TLN2: variants seen among roughly 807,000 people sequenced by gnomAD.
TLN2 encodes talin-2.
Under a neutral mutation model 294.7 loss-of-function variants are expected in TLN2, and 118 were observed. The observed-to-expected ratio is 0.40, with a 90% CI of 0.34 to 0.47. The LOEUF is 0.47. Ranked by LOEUF, TLN2 falls within the 20% of genes least tolerant of loss-of-function variation. TLN2 has a pLI of 0.84. For synonymous variants in TLN2, 1,431 were observed against 1,304.5 expected, an observed-to-expected ratio of 1.10 and a Z score of -2.09; for missense variants, 3,083 against 3,282.2, an observed-to-expected ratio of 0.94 and a Z score of 1.48.
intron 42 of TLN2, among the ~76,000 whole-genome samples, chr15:62,776,299 A>G (rs1325301529): frequency 5.9e-5 from 9 of 152,120 alleles, no homozygotes; most frequent in Admixed American, 5.2e-4. Flanking sequence ...GCACTCTACA[A>G]ATATATTTCC....
intron 28 of TLN2, among the ~76,000 whole-genome samples, chr15:62,734,482 A>G (rs2060899759): frequency 6.6e-6 from 1 of 152,190 alleles, no homozygotes; most frequent in Non-Finnish European, 1.5e-5. Context: ...ATGAGGTCTT[A>G]ACTACATCTG....
intron 1 of TLN2, among the ~76,000 whole-genome samples, chr15:62,525,837 T>C (rs1415359410): frequency 6.6e-6 from 1 of 152,152 alleles, no homozygotes; most frequent in African/African-American, 2.4e-5. Context: ...GCCTCCTTAG[T>C]CAGTGTGCCC....
intron 57 of TLN2, among the ~76,000 whole-genome samples, chr15:62,837,680 A>ATGTT (rs1398294428): frequency 1.3e-5 from 2 of 152,198 alleles, no homozygotes; most frequent in African/African-American, 4.8e-5. Context: ...TAGCTACAAA[A>ATGTT]TGTTAGGTTT....
intron 9 of TLN2, among the ~76,000 whole-genome samples, chr15:62,664,368 G>C (rs764995253): frequency 6.6e-6 from 1 of 152,028 alleles, no homozygotes; most frequent in Non-Finnish European, 1.5e-5. Context: ...AAAAGGGACA[G>C]AGCATTTCAT....
chr15:62,747,390 A>G (rs1431539644), intron 32 of TLN2, among the ~76,000 whole-genome samples: 2 of 152,222 alleles, frequency 1.3e-5, no homozygotes, highest in Non-Finnish European at 2.9e-5. Flanking sequence ...TATTTTAATG[A>G]ATAATTTTGT....
At chr15:62,650,420 T>C (rs1437126106) in intron 5 of TLN2, among the ~76,000 whole-genome samples, 4 of 152,176 alleles carry the variant, frequency 2.6e-5, no homozygotes, top group African/African-American at 9.7e-5. Context: ...TACTTGTCGT[T>C]GTTGGATTTG....
intron 1 of TLN2, among the ~76,000 whole-genome samples, chr15:62,448,626 G>C (rs2035947424): frequency 6.6e-6 from 1 of 152,212 alleles, no homozygotes; most frequent in African/African-American, 2.4e-5. Context: ...TAATCCTGTG[G>C]TGTAGCTTAT....
At chr15:62,642,701 G>GT (rs1355609761) in intron 3 of TLN2, among the ~76,000 whole-genome samples, 13,245 of 140,590 alleles carry the variant, frequency 0.094, 1,088 homozygotes, top group African/African-American at 0.21. Context: ...TTTGTTTTCT[G>GT]TTTTTTTTTT....
At chr15:62,827,994 A>G (rs1429487350) in intron 54 of TLN2, 2 of 152,288 alleles carry the variant, frequency 1.3e-5, no homozygotes, top group African/African-American at 4.8e-5. Flanking sequence ...TCCACTTTCC[A>G]CACCACTTCC....
At position 62,636,749 on chromosome 15, in the gene TLN2, G is replaced by A. The variant is rs896520434; in HGVS notation, c.-36-10526G>A. Among the ~76,000 whole-genome samples, 8 of 152,274 alleles carry A rather than the reference G, an allele frequency of 5.3e-5. No individual in the cohort carries two copies. The East Asian group carries it at 1.5e-3, about 29-fold the overall frequency. Reference sequence around the variant, plus strand: ...AGGTGAAAGCAAACATGGTAATATAGGTTTGCATGGTCACTCGGCAACCCA... The same window carrying A: ...AGGTGAAAGCAAACATGGTAATATAAGTTTGCATGGTCACTCGGCAACCCA... On this transcript the variant is annotated intron_variant, in intron 3 of 58. Transcript: ENST00000636159.
At chr15:62,685,476 C>CT (rs955872062) in intron 11 of TLN2, among the ~76,000 whole-genome samples, 1 of 151,928 alleles carries the variant, frequency 6.6e-6, no homozygotes, top group Non-Finnish European at 1.5e-5. Flanking sequence ...ACATTTATAA[C>CT]TTTTTTTTAA....
chr15:62,699,104 C>T (rs2058548408), intron 16 of TLN2, among the ~76,000 whole-genome samples: 1 of 152,168 alleles, frequency 6.6e-6, no homozygotes, highest in Non-Finnish European at 1.5e-5. Flanking sequence ...CCCTAGGATC[C>T]TGTGACCTGG....
At chr15:62,448,971 C>A (rs1378648410) in intron 1 of TLN2, among the ~76,000 whole-genome samples, 1 of 152,144 alleles carries the variant, frequency 6.6e-6, no homozygotes, top group Non-Finnish European at 1.5e-5. Context: ...CTTCTTATTC[C>A]TTTTGCACTC....
At chr15:62,681,834 A>G (rs1371149963) in intron 11 of TLN2, among the ~76,000 whole-genome samples, 3 of 152,224 alleles carry the variant, frequency 2.0e-5, no homozygotes, top group Admixed American at 2.0e-4. Flanking sequence ...TCTGTCACCC[A>G]GTCTGGAATG....
Position 62,414,870 on chromosome 15 carries a change from A to T in TLN2, c.-238+24185A>T, listed in dbSNP as rs761444272. Among the ~76,000 whole-genome samples the T allele has an allele frequency of 2.1e-5, 3 of 140,520 alleles. 1 individual carries two copies. The highest frequency in any genetic ancestry group is 4.6e-5 in the Non-Finnish European group (3 of 65,790). 92.2% of individuals were successfully genotyped at this position (140,520 alleles called of 152,430 possible). On this transcript the variant is annotated intron_variant, in intron 1 of 58. Coordinates refer to ENST00000636159, the MANE Select transcript of TLN2 (RefSeq NM_015059.3). ...GACCCAAGGAGGAGTAAATAAAAGA[A>T]TTTTTCCTGTCAAGCATGCCTTTTA... is the stretch of plus-strand genomic sequence containing the variant.
intron 1 of TLN2, among the ~76,000 whole-genome samples, chr15:62,504,991 C>G (rs2039525739): frequency 1.3e-5 from 2 of 152,156 alleles, no homozygotes; most frequent in African/African-American, 4.8e-5. Context: ...GAGTCTCACT[C>G]TGTTCCCCAG....
intron 52 of TLN2, among the ~76,000 whole-genome samples, chr15:62,811,620 T>A (rs2066685947): frequency 6.6e-6 from 1 of 152,210 alleles, no homozygotes; most frequent in South Asian, 2.1e-4. Context: ...TTATCTGGGG[T>A]GCAGTTTCCT....
chr15:62,527,899 T>A (rs1381535335), intron 1 of TLN2, among the ~76,000 whole-genome samples: 1 of 152,234 alleles, frequency 6.6e-6, no homozygotes, highest in African/African-American at 2.4e-5. Flanking sequence ...GATTTCCTCC[T>A]AGTCTTTTTC....
Position 62,800,502 on chromosome 15 carries a change from G to A in TLN2, c.6360+9G>A. 5.0e-6 allele frequency: 8 copies of A among 1,613,660 alleles called. No homozygotes were observed. Among genetic ancestry groups the A allele is most frequent in the Non-Finnish European group, 6.8e-6 (8 of 1,179,850 alleles). ...TCAAGGGGGCTGCCAAGGTAGAGTGGGGCTCCGACTGGGGATGAGCACCTG... is the reference window on the plus strand; with the variant it reads ...TCAAGGGGGCTGCCAAGGTAGAGTGAGGCTCCGACTGGGGATGAGCACCTG... On this transcript the variant is annotated intron_variant, in intron 49 of 58. Coordinates refer to ENST00000636159, the MANE Select transcript of TLN2 (RefSeq NM_015059.3).
Sources: gnomAD v4.1 joint callset for allele counts (sites outside exome capture counted in the v4.1 genomes callset) on GRCh38, gnomAD v4.1.1 for gene constraint, MANE v1.5 for transcripts, NCBI Gene and HGNC (gene_info 2026-07-23, HGNC 2026-07-21) for gene names.